Variants in VSIG4 observed in about 807,000 individuals in gnomAD.
VSIG4 encodes V-set and immunoglobulin domain containing 4.
In VSIG4, 34 loss-of-function variants were observed where a neutral mutation model predicts 23.4. The observed-to-expected ratio is 1.45, with a 90% CI of 1.10 to 1.93. The LOEUF is 1.93. Among genes scored for constraint, VSIG4 ranks in the 30% most tolerant of loss-of-function variants. VSIG4 has a pLI of 0.00. For missense variants in VSIG4, 433 were observed against 310.8 expected (o/e 1.39, Z -2.96); for synonymous variants, 169 against 120.3 (o/e 1.41, Z -2.65).
chrX:66,036,713 T>C (rs2085550062), intron 1 of VSIG4, among the ~76,000 whole-genome samples: 1 of 54,289 alleles, frequency 1.8e-5, no homozygotes, highest in Admixed American at 3.5e-4. Context: ...TATAATTATA[T>C]AATATATATA....
chrX:66,040,028 C>G lies in VSIG4; in HGVS notation c.-30G>C, dbSNP rs1258009510. The G allele has an allele frequency of 3.3e-6, 4 of 1,207,986 alleles. No individual in the cohort carries two copies. In the East Asian group the frequency reaches 1.2e-4, roughly 36 times the overall value. ...GCCAGAGCTACTTCTGTCCTTTCTTCCAGCCTCCTGCTACCAAAGAGGCTC... is the reference window on the plus strand; with the variant it reads ...GCCAGAGCTACTTCTGTCCTTTCTTGCAGCCTCCTGCTACCAAAGAGGCTC... On this transcript the variant is annotated 5_prime_UTR_variant, in exon 1 of 8. Coordinates refer to ENST00000374737, the MANE Select transcript of VSIG4 (RefSeq NM_007268.3).
intron 1 of VSIG4, among the ~76,000 whole-genome samples, chrX:66,038,606 A>T (rs1401413799): frequency 9.0e-6 from 1 of 111,703 alleles, no homozygotes; most frequent in African/African-American, 3.3e-5. Context: ...AGCTCAAACC[A>T]ACAGACTTGG....
intron 2 of VSIG4, among the ~76,000 whole-genome samples, chrX:66,033,072 T>G (rs1243679811): frequency 1.3e-4 from 14 of 111,335 alleles, no homozygotes; most frequent in Non-Finnish European, 2.3e-4. Flanking sequence ...GGGCCAGACT[T>G]TTGTAAAATT....
chrX:66,035,625 A>T lies in VSIG4; in HGVS notation c.56-1795T>A, dbSNP rs889644660. On this transcript the variant is annotated intron_variant, in intron 1 of 7. Coordinates refer to ENST00000374737, the MANE Select transcript of VSIG4 (RefSeq NM_007268.3). ...TGTGCCATAGATAGTTCACACCTCCATGTGATTGCAGATACAGCTTTTCAT... is the reference window on the plus strand; with the variant it reads ...TGTGCCATAGATAGTTCACACCTCCTTGTGATTGCAGATACAGCTTTTCAT... 6.2e-5 allele frequency among the ~76,000 whole-genome samples: 7 copies of T among 112,133 alleles called. No homozygotes were observed. In the East Asian group the frequency reaches 2.0e-3, roughly 32 times the overall value.
At chrX:66,035,827 C>T (rs1380610060) in intron 1 of VSIG4, among the ~76,000 whole-genome samples, 1 of 112,310 alleles carries the variant, frequency 8.9e-6, no homozygotes, top group Non-Finnish European at 1.9e-5. Context: ...TCACATTCCC[C>T]TCTTGGGCAA....
At chrX:66,031,991 G>T (rs1383148514) in intron 3 of VSIG4, among the ~76,000 whole-genome samples, 20 of 111,776 alleles carry the variant, frequency 1.8e-4, no homozygotes, top group Non-Finnish European at 1.9e-5. Flanking sequence ...AGGGTGCCCA[G>T]GATCTGATAT....
rs1260884497 is a variant in VSIG4 at position 66,022,499 on chromosome X, C to A, written c.964G>T (p.Ala322Ser). 8.3e-7 allele frequency: 1 copy of A among 1,210,826 alleles called. No homozygotes were observed. The highest frequency in any genetic ancestry group is 1.1e-6 in the Non-Finnish European group (1 of 895,209). The change falls in exon 8 of 8, where the codon GCA becomes TCA. Residue 322 changes from alanine to serine, a missense_variant and splice_region_variant. Transcript: ENST00000374737. ...QQEHVYEAAR[A>S]HAREANDSGE... is the part of the protein sequence containing the mutation. ...GAGTCGTTGGCCTCTCTGGCATGTG[C>A]CCTATGGCCCAAGAGCCCACCACCC... is the stretch of plus-strand genomic sequence containing the variant.
At chrX:66,030,858 T>C (rs1435767460) in intron 3 of VSIG4, among the ~76,000 whole-genome samples, 1 of 111,172 alleles carries the variant, frequency 9.0e-6, no homozygotes, top group Non-Finnish European at 1.9e-5. Context: ...AGCTCAGCAG[T>C]CCAAGAACAT....
chrX:66,036,654 AAT>A (rs1190641832), intron 1 of VSIG4, among the ~76,000 whole-genome samples: 1,042 of 71,335 alleles, frequency 0.015, 31 homozygotes, highest in African/African-American at 0.054. Flanking sequence ...TTAATAATAT[AAT>A]ATATAATATA....
At chrX:66,037,757 C>CTTATTGCTGATAA (rs1440114792) in intron 1 of VSIG4, among the ~76,000 whole-genome samples, 1 of 80,210 alleles carries the variant, frequency 1.2e-5, no homozygotes, top group Non-Finnish European at 2.2e-5. Flanking sequence ...ATTACTGATA[C>CTTATTGCTGATAA]GTATATATAC....
Position 66,032,954 on chromosome X carries a change from C to T in VSIG4, c.413-205G>A, listed in dbSNP as rs1022999677. Among the ~76,000 whole-genome samples, 5 of 111,291 alleles carry T rather than the reference C, an allele frequency of 4.5e-5. No homozygotes were observed. The East Asian group carries it at 1.4e-3, about 31-fold the overall frequency. On this transcript the variant is annotated intron_variant, in intron 2 of 7. Coordinates refer to ENST00000374737, the MANE Select transcript of VSIG4 (RefSeq NM_007268.3). ...AAGGTAGGTACTTTTTGGTATTACCCGGGGTTTTGGAATACTTGGAAGTAA... is the reference window on the plus strand; with the variant it reads ...AAGGTAGGTACTTTTTGGTATTACCTGGGGTTTTGGAATACTTGGAAGTAA...
chrX:66,024,647 A>G (rs777580171), intron 6 of VSIG4, among the ~76,000 whole-genome samples: 2 of 111,793 alleles, frequency 1.8e-5, no homozygotes, highest in East Asian at 5.6e-4. Flanking sequence ...TGTCTTCTCT[A>G]GTTTTTGAGC....
At chrX:66,032,415 C>T in intron 3 of VSIG4, 53 bp downstream of exon 3, 1 of 1,168,577 alleles carries the variant, frequency 8.6e-7, no homozygotes. Flanking sequence ...TTTGAGGTAT[C>T]TTTGTTTCAA....
At chrX:66,030,836 G>T (rs1383911622) in intron 3 of VSIG4, among the ~76,000 whole-genome samples, 1 of 111,491 alleles carries the variant, frequency 9.0e-6, no homozygotes, top group Non-Finnish European at 1.9e-5. Context: ...GTTTTGTTTT[G>T]TTCGTCAGCA....
chrX:66,022,953 G>A (rs944907335), intron 6 of VSIG4, 91 bp from the exon 7 acceptor site: 1 of 992,026 alleles, frequency 1.0e-6, no homozygotes, highest in Non-Finnish European at 1.4e-6. Flanking sequence ...AAAGATGAGG[G>A]AAGGGTACAG....
intron 1 of VSIG4, among the ~76,000 whole-genome samples, chrX:66,037,272 TATAATATAATATATAATATATATTATATA>T (rs1569245779): frequency 0.13 from 17 of 132 alleles, 5 homozygotes; most frequent in African/African-American, 0.5. Context: ...TATATAATAA[TATAATATAATATATAATATATATTATATA>T]ATAATATAAT....
chrX:66,034,359 T>A (rs932729035), intron 1 of VSIG4, among the ~76,000 whole-genome samples: 10 of 112,080 alleles, frequency 8.9e-5, no homozygotes, highest in Non-Finnish European at 3.8e-5. Context: ...TGCCCTGTTA[T>A]CTTCTCTTGT....
intron 1 of VSIG4, among the ~76,000 whole-genome samples, chrX:66,038,201 C>T (rs1038160296): frequency 3.6e-5 from 4 of 111,818 alleles, no homozygotes; most frequent in African/African-American, 1.3e-4. Context: ...TAGCAGCTTA[C>T]TCTGGCCGCT....
intron 6 of VSIG4, 58 bp downstream of exon 6, chrX:66,024,967 A>T: frequency 1.1e-6 from 1 of 896,289 alleles, no homozygotes; most frequent in South Asian, 2.6e-5. Flanking sequence ...TTTAGGCTCA[A>T]GTATACTGAC....
Sources: allele counts gnomAD v4.1 joint callset (sites outside exome capture counted in the v4.1 genomes callset), GRCh38; gene constraint gnomAD v4.1.1; transcripts MANE v1.5; gene names NCBI Gene and HGNC (gene_info 2026-07-23, HGNC 2026-07-21).